The following CFAP97D2 variants were observed in gnomAD, a reference collection of about 807,000 sequenced individuals.
CFAP97D2 encodes CFAP97 domain containing 2.
Position 114,182,398 on chromosome 13 carries a change from T to C in CFAP97D2, c.90+2978T>C, listed in dbSNP as rs564414825. On this transcript the variant is annotated intron_variant, in intron 1 of 4. Transcript: ENST00000646158. ...CGGGTTTTATACCGAGACATTCAGT[T>C]CCCAGGGGCAGGCAGGAGACAGTGG... Among the ~76,000 whole-genome samples, 25 of 149,388 alleles carry C rather than the reference T, an allele frequency of 1.7e-4. No homozygotes were observed. In the East Asian group the frequency reaches 4.7e-3, roughly 28 times the overall value.
intron 1 of CFAP97D2, among the ~76,000 whole-genome samples, chr13:114,181,292 G>C (rs755010268): frequency 3.9e-5 from 6 of 152,348 alleles, no homozygotes; most frequent in South Asian, 2.1e-4. Context: ...GCAACTGAAA[G>C]CACAGCTTCC....
chr13:114,181,324 G>A (rs1354072849), intron 1 of CFAP97D2, among the ~76,000 whole-genome samples: 6 of 152,240 alleles, frequency 3.9e-5, no homozygotes, highest in Non-Finnish European at 5.9e-5. Flanking sequence ...GACACAGGTG[G>A]TGATGATGCC....
intron 4 of CFAP97D2, among the ~76,000 whole-genome samples, chr13:114,217,869 C>T (rs1396026899): frequency 1.3e-5 from 2 of 152,170 alleles, no homozygotes; most frequent in Non-Finnish European, 2.9e-5. Flanking sequence ...ATTGATAGGA[C>T]GTATCTCAAA....
At chr13:114,181,542 G>A (rs534997731) in intron 1 of CFAP97D2, among the ~76,000 whole-genome samples, 3 of 152,276 alleles carry the variant, frequency 2.0e-5, no homozygotes, top group South Asian at 2.1e-4. Context: ...AGGAGCAGCC[G>A]GGGCTGGAAG....
Position 114,189,230 on chromosome 13 carries a change from T to C in CFAP97D2, c.91-7166T>C, listed in dbSNP as rs1391031950. Among the ~76,000 whole-genome samples, 1 of 152,094 alleles carries C rather than the reference T, an allele frequency of 6.6e-6. No homozygotes were observed. The highest frequency in any genetic ancestry group is 1.9e-4 in the East Asian group (1 of 5,192). ...AACAAATTTATGCCCACAAATTTGA[T>C]AACCTAAATGAAAAGGGCCAATTTC... On this transcript the variant is annotated intron_variant, in intron 1 of 4. Transcript: ENST00000646158. This position sits in a 1 kb window ranked among gnomAD's most constrained non-coding sequence, Gnocchi z 4.5.
intron 1 of CFAP97D2, among the ~76,000 whole-genome samples, chr13:114,184,460 C>T (rs1346705655): frequency 6.6e-6 from 1 of 152,136 alleles, no homozygotes; most frequent in Non-Finnish European, 1.5e-5. Flanking sequence ...TACAGAAAAT[C>T]AGAGATAGAG....
intron 1 of CFAP97D2, among the ~76,000 whole-genome samples, chr13:114,184,898 T>TA (rs2080849409): frequency 6.6e-6 from 1 of 152,262 alleles, no homozygotes; most frequent in African/African-American, 2.4e-5. Flanking sequence ...TGCATGGTGT[T>TA]AGACTGTGTA....
intron 1 of CFAP97D2, among the ~76,000 whole-genome samples, chr13:114,184,153 A>C (rs2080846831): frequency 6.6e-6 from 1 of 152,222 alleles, no homozygotes; most frequent in Non-Finnish European, 1.5e-5. Context: ...CCTGTCTCAG[A>C]AAAACCAGCC....
chr13:114,181,921 G>A (rs890391744), intron 1 of CFAP97D2, among the ~76,000 whole-genome samples: 34 of 152,088 alleles, frequency 2.2e-4, no homozygotes, highest in Non-Finnish European at 3.5e-4. Flanking sequence ...TGAAGGGGTG[G>A]CCTGCCCCTC....
At chr13:114,182,530 A>C (rs2080839426) in intron 1 of CFAP97D2, among the ~76,000 whole-genome samples, 1 of 151,716 alleles carries the variant, frequency 6.6e-6, no homozygotes, top group Non-Finnish European at 1.5e-5. Flanking sequence ...TTCTCATCCC[A>C]CGAGGCCGTA....
intron 1 of CFAP97D2, among the ~76,000 whole-genome samples, chr13:114,193,692 T>C (rs1364067100): frequency 6.6e-6 from 1 of 152,214 alleles, no homozygotes; most frequent in Non-Finnish European, 1.5e-5. Flanking sequence ...AGCAGTATCT[T>C]AGACTGTTTG....
chr13:114,184,686 G>C (rs1261065361), intron 1 of CFAP97D2, among the ~76,000 whole-genome samples: 1 of 152,180 alleles, frequency 6.6e-6, no homozygotes, highest in Non-Finnish European at 1.5e-5. Flanking sequence ...CAAAAATTGA[G>C]GAAATCTGTC....
chr13:114,208,415 C>T (rs1256306667), intron 3 of CFAP97D2, among the ~76,000 whole-genome samples: 1 of 152,124 alleles, frequency 6.6e-6, no homozygotes, highest in Non-Finnish European at 1.5e-5. Flanking sequence ...GACAGGCAGC[C>T]AATTATATTG....
At position 114,209,043 on chromosome 13, in the gene CFAP97D2, T is replaced by C. The variant is rs1171459897; in HGVS notation, c.291-2869T>C. ...AGGAGAATTTGGCTAAATGAAAATT[T>C]AGGGAGGAAGGAAGACAAATGAAGC... is the stretch of plus-strand genomic sequence containing the variant. On this transcript the variant is annotated intron_variant, in intron 3 of 4. Coordinates refer to ENST00000646158, the Ensembl canonical transcript of CFAP97D2. 5.9e-5 allele frequency among the ~76,000 whole-genome samples: 9 copies of C among 152,100 alleles called. No individual in the cohort carries two copies. The East Asian group carries it at 1.7e-3, about 29-fold the overall frequency.
At chr13:114,196,961 A>G (rs1446990604) in intron 2 of CFAP97D2, among the ~76,000 whole-genome samples, 1 of 152,234 alleles carries the variant, frequency 6.6e-6, no homozygotes, top group African/African-American at 2.4e-5. Flanking sequence ...CTGACTGCCA[A>G]TTGGTTGAAA....
At chr13:114,208,820 G>A (rs1271112938) in intron 3 of CFAP97D2, among the ~76,000 whole-genome samples, 1 of 152,122 alleles carries the variant, frequency 6.6e-6, no homozygotes, top group East Asian at 1.9e-4. Context: ...TGGGAACCTT[G>A]CTATGTGTCC....
In CFAP97D2 at chr13:114,205,770, G is replaced by A. The variant is rs1594519498; in HGVS notation, c.290+5327G>A. ...ACCAATGCCTGTGAACCAGCCCAAG[G>A]GGATCCGGGCTCCTGTATTCTTAGA... is the stretch of plus-strand genomic sequence containing the variant. On this transcript the variant is annotated intron_variant, in intron 3 of 4. Transcript: ENST00000646158. Among the ~76,000 whole-genome samples the A allele has an allele frequency of 7.9e-5, 12 of 152,284 alleles. No individual in the cohort carries two copies. The South Asian group carries it at 2.5e-3, about 32-fold the overall frequency.
chr13:114,205,850 C>T (rs1176631948), intron 3 of CFAP97D2, among the ~76,000 whole-genome samples: 1 of 152,126 alleles, frequency 6.6e-6, no homozygotes, highest in Non-Finnish European at 1.5e-5. Context: ...AGGGGCTGGG[C>T]AGAACAATGC....
intron 4 of CFAP97D2, among the ~76,000 whole-genome samples, chr13:114,220,688 A>G (rs927526689): frequency 4.6e-5 from 7 of 152,242 alleles, no homozygotes; most frequent in African/African-American, 1.7e-4. Context: ...ACTCCTGCAC[A>G]TGAGAAAGAA....
Sources: allele counts gnomAD v4.1 joint callset (sites outside exome capture counted in the v4.1 genomes callset), GRCh38; gene constraint gnomAD v4.1.1; non-coding constraint Gnocchi (gnomAD v3.1); transcripts MANE v1.5; gene names NCBI Gene and HGNC (gene_info 2026-07-23, HGNC 2026-07-21).